RIMS1: variants seen among roughly 807,000 people sequenced by gnomAD.
RIMS1 encodes regulating synaptic membrane exocytosis protein 1.
In RIMS1, 83 loss-of-function variants were observed where a neutral mutation model predicts 214.1. The ratio of observed to expected loss-of-function variants is 0.39; its 90% CI spans 0.32 to 0.47. The LOEUF is 0.47. Among genes scored for constraint, RIMS1 ranks in the 20% least tolerant of loss-of-function variants. The pLI is 0.99. For synonymous variants in RIMS1, 793 were observed against 786.8 expected (o/e 1.01, Z -0.13); for missense variants, 2,050 against 2,161.8 (o/e 0.95, Z 1.03).
intron 2 of RIMS1, among the ~76,000 whole-genome samples, chr6:72,032,316 C>G (rs1267153814): frequency 6.6e-6 from 1 of 152,138 alleles, no homozygotes; most frequent in Non-Finnish European, 1.5e-5. Context: ...GTACTGTCTT[C>G]CACAGTTGTT....
At chr6:72,188,037 A>G (rs1015919696) in intron 6 of RIMS1, among the ~76,000 whole-genome samples, 7 of 152,168 alleles carry the variant, frequency 4.6e-5, no homozygotes, top group Non-Finnish European at 1.0e-4. Flanking sequence ...GAAGGCTGAA[A>G]GACTAAGCCA....
At chr6:72,317,882 G>A (rs2095895455) in intron 28 of RIMS1, among the ~76,000 whole-genome samples, 1 of 152,044 alleles carries the variant, frequency 6.6e-6, no homozygotes, top group Admixed American at 6.5e-5. Flanking sequence ...TTATTATTCT[G>A]TCCATTTTTT....
Position 71,969,073 on chromosome 6 carries a change from G to T in RIMS1, c.245+10G>T. On this transcript the variant is annotated intron_variant, in intron 2 of 33. Coordinates refer to ENST00000521978, the MANE Select transcript of RIMS1 (RefSeq NM_014989.7). ...CCCACCAACCTTCACCGTGAGTATG[G>T]CATTGGTTTTATTGACTGAAAATGT... 1 of 1,613,384 alleles carries T rather than the reference G, an allele frequency of 6.2e-7. No homozygotes were observed. Among genetic ancestry groups the T allele is most frequent in the Middle Eastern group, 1.6e-4 (1 of 6,062 alleles).
chr6:71,934,401 T>A (rs1320792324), intron 1 of RIMS1, among the ~76,000 whole-genome samples: 1 of 152,182 alleles, frequency 6.6e-6, no homozygotes, highest in Non-Finnish European at 1.5e-5. Context: ...TACCTAAAAA[T>A]ACCCTACTGT....
chr6:71,916,701 A>T (rs182216906), intron 1 of RIMS1, among the ~76,000 whole-genome samples: 2 of 152,262 alleles, frequency 1.3e-5, no homozygotes, highest in East Asian at 1.9e-4. Flanking sequence ...TTCAAAAGGG[A>T]TATTGCTCAG....
In RIMS1 at chr6:72,161,554, T is replaced by G. The variant is rs2045415863; in HGVS notation, c.472-18021T>G. On this transcript the variant is annotated intron_variant, in intron 4 of 33. Coordinates refer to ENST00000521978, the MANE Select transcript of RIMS1 (RefSeq NM_014989.7). ...CTATAAATTTCCCTCTAAACACTGC[T>G]TTGAATGTGTCCCAGAGATTCTGGT... Among the ~76,000 whole-genome samples the G allele has an allele frequency of 1.4e-5, 2 of 140,428 alleles. 1 individual carries two copies. Among genetic ancestry groups the G allele is most frequent in the Admixed American group, 1.5e-4 (2 of 13,714 alleles). 92.1% of individuals were successfully genotyped at this position (140,428 alleles called of 152,430 possible).
intron 4 of RIMS1, among the ~76,000 whole-genome samples, chr6:72,179,153 T>G (rs2048114608): frequency 6.6e-6 from 1 of 152,212 alleles, no homozygotes; most frequent in African/African-American, 2.4e-5. Context: ...TTGCAAGTAC[T>G]GAGGTTTATG....
Position 72,219,486 on chromosome 6 carries a change from G to A in RIMS1, c.1679-14287G>A, listed in dbSNP as rs566557413. Among the ~76,000 whole-genome samples the A allele has an allele frequency of 5.3e-5, 8 of 152,178 alleles. 1 individual carries two copies. In the South Asian group the frequency reaches 1.0e-3, roughly 20 times the overall value. On this transcript the variant is annotated intron_variant, in intron 6 of 33. Transcript: ENST00000521978. ...AAATAAGTTTTAGAGAAGGTTTTAC[G>A]TGACTTCTATGAGTCTTGAATATCT...
intron 2 of RIMS1, among the ~76,000 whole-genome samples, chr6:72,066,374 T>C (rs530580421): frequency 1.2e-4 from 18 of 152,336 alleles, no homozygotes; most frequent in African/African-American, 4.3e-4. Flanking sequence ...TATGAGGTCA[T>C]TCAGTATTAT....
At chr6:72,105,091 A>AG (rs2034468098) in intron 4 of RIMS1, among the ~76,000 whole-genome samples, 1 of 151,860 alleles carries the variant, frequency 6.6e-6, no homozygotes, top group African/African-American at 2.4e-5. Context: ...TGGCTAATTA[A>AG]AAAAAATTTT....
At chr6:72,211,274 G>T (rs2053764083) in intron 6 of RIMS1, among the ~76,000 whole-genome samples, 1 of 152,172 alleles carries the variant, frequency 6.6e-6, no homozygotes, top group Non-Finnish European at 1.5e-5. Flanking sequence ...ACACAGCAGA[G>T]TTAGCCAGTA....
intron 29 of RIMS1, among the ~76,000 whole-genome samples, chr6:72,360,761 G>C (rs1440855315): frequency 6.7e-6 from 1 of 149,510 alleles, no homozygotes; most frequent in East Asian, 1.9e-4. Context: ...ATCTAAAAAA[G>C]ATAGGAAAAA....
chr6:71,954,846 G>A (rs1790689446), intron 1 of RIMS1, among the ~76,000 whole-genome samples: 1 of 144,830 alleles, frequency 6.9e-6, no homozygotes, highest in African/African-American at 2.6e-5. Context: ...CCACTCCTCA[G>A]CACACACACA....
At chr6:71,905,913 C>T (rs2150522145) in intron 1 of RIMS1, among the ~76,000 whole-genome samples, 1 of 152,238 alleles carries the variant, frequency 6.6e-6, no homozygotes, top group Middle Eastern at 3.4e-3. Context: ...CTCATCTACT[C>T]TATCACCCTC....
Position 72,244,974 on chromosome 6 carries a change from T to C in RIMS1, c.2082-841T>C, listed in dbSNP as rs922469820. Among the ~76,000 whole-genome samples the C allele has an allele frequency of 6.6e-5, 10 of 152,146 alleles. No individual in the cohort carries two copies. In the South Asian group the frequency reaches 2.1e-3, roughly 31 times the overall value. ...ATATGTCATGTTAATATTTGCATAT[T>C]GTTAATCTTAAATTGATATTAAAAC... On this transcript the variant is annotated intron_variant, in intron 10 of 33. Transcript: ENST00000521978.
chr6:72,302,785 A>G (rs1246594498), intron 26 of RIMS1, among the ~76,000 whole-genome samples: 1 of 151,628 alleles, frequency 6.6e-6, no homozygotes, highest in African/African-American at 2.4e-5. Flanking sequence ...TTTGATACAT[A>G]TATGAGCTGA....
chr6:72,397,166 C>G (rs2098789407), intron 31 of RIMS1, among the ~76,000 whole-genome samples: 1 of 151,982 alleles, frequency 6.6e-6, no homozygotes, highest in Non-Finnish European at 1.5e-5. Context: ...TAACATTCTA[C>G]TTACCAAAAA....
intron 2 of RIMS1, among the ~76,000 whole-genome samples, chr6:71,984,355 A>T (rs1312464281): frequency 1.4e-5 from 2 of 138,496 alleles, no homozygotes; most frequent in Non-Finnish European, 3.2e-5. Context: ...GAAGGAAAAG[A>T]AAAAAAAAAA....
At chr6:72,328,184 C>G (rs1201196420) in intron 28 of RIMS1, among the ~76,000 whole-genome samples, 1 of 151,838 alleles carries the variant, frequency 6.6e-6, no homozygotes, top group South Asian at 2.1e-4. Flanking sequence ...AATCATCATT[C>G]TCAGCAAACT....
Sources: gnomAD v4.1 joint callset for allele counts (sites outside exome capture counted in the v4.1 genomes callset) on GRCh38, gnomAD v4.1.1 for gene constraint, MANE v1.5 for transcripts, NCBI Gene and HGNC (gene_info 2026-07-23, HGNC 2026-07-21) for gene names.